The following DBF4B variants were observed in gnomAD, a reference collection of about 807,000 sequenced individuals.
DBF4B encodes the protein DBF4B-CDC7 kinase regulatory subunit.
Under a neutral mutation model 53.4 loss-of-function variants are expected in DBF4B, and 49 were observed. The observed-to-expected ratio is 0.92, with a 90% CI of 0.73 to 1.16. The LOEUF (loss-of-function observed/expected upper bound fraction) is 1.16, where lower values mean the gene tolerates loss of function less well. Among genes scored for constraint, DBF4B ranks in the 50% most tolerant of loss-of-function variants. The pLI, the probability that DBF4B is intolerant of heterozygous loss-of-function variation, is 0.00. For missense variants in DBF4B, 692 were observed against 775.0 expected, an observed-to-expected ratio of 0.89 and a Z score of 1.27; for synonymous variants, 257 against 288.7, an observed-to-expected ratio of 0.89 and a Z score of 1.11.
chr17:44,741,851 G>A (rs187554676), intron 10 of DBF4B, among the ~76,000 whole-genome samples: 10 of 152,200 alleles, frequency 6.6e-5, no homozygotes, highest in Middle Eastern at 3.4e-3. Flanking sequence ...TACCTCACTC[G>A]GCAGGGTTTA....
intron 2 of DBF4B, 87 bp from the exon 3 acceptor site, chr17:44,722,793 A>G (rs1359627567): frequency 6.8e-5 from 100 of 1,461,554 alleles, no homozygotes; most frequent in Non-Finnish European, 9.1e-5. Flanking sequence ...CTATTATAGC[A>G]CACAGACTGA....
chr17:44,736,111 A>G (rs2145017937), intron 7 of DBF4B, among the ~76,000 whole-genome samples: 1 of 151,160 alleles, frequency 6.6e-6, no homozygotes, highest in Non-Finnish European at 1.5e-5. Context: ...CCTCCCAAGT[A>G]GCTAGGACTA....
intron 2 of DBF4B, among the ~76,000 whole-genome samples, chr17:44,716,854 A>C (rs1281643961): frequency 6.6e-6 from 1 of 152,010 alleles, no homozygotes; most frequent in African/African-American, 2.4e-5. Flanking sequence ...TTCAGCTCTA[A>C]TCAGCTTGCT....
chr17:44,731,945 A>C (rs1974873705), intron 5 of DBF4B: 3 of 513,704 alleles, frequency 5.8e-6, no homozygotes, highest in Non-Finnish European at 3.5e-6. Flanking sequence ...CCAGAGCACA[A>C]TGTATAGGCA....
At chr17:44,748,228 G>T in intron 12 of DBF4B, 113 bp from the exon 13 acceptor site, 6 of 1,395,932 alleles carry the variant, frequency 4.3e-6, no homozygotes, top group Non-Finnish European at 5.8e-6. Flanking sequence ...AGAGAAGGCA[G>T]CTCTCTCGGC....
rs575385085 is a variant in DBF4B, at chr17:44,740,855, G to T, written c.714-481G>T. The stretch of plus-strand genomic sequence containing the variant: ...GAGTTTGAAAAGTAGACAGGGAGGG[G>T]CCGGGCGTGGTGGCTCACGCCTGTA... On this transcript the variant is annotated intron_variant, in intron 9 of 13. Coordinates refer to ENST00000315005, the MANE Select transcript of DBF4B (RefSeq NM_145663.3). 7.2e-5 allele frequency among the ~76,000 whole-genome samples: 11 copies of T among 152,324 alleles called. No homozygotes were observed. The South Asian group carries it at 2.3e-3, about 32-fold the overall frequency.
Position 44,749,492 on chromosome 17 carries a change from A to C in DBF4B, c.1189+1027A>C. 1 of 1,281,518 alleles carries C rather than the reference A, an allele frequency of 7.8e-7. No homozygotes were observed. The highest frequency in any genetic ancestry group is 1.2e-5 in the South Asian group (1 of 80,288). 79.4% of individuals were successfully genotyped at this position (1,281,518 alleles called of 1,614,324 possible). ...AAGGAGGCCCGGGCCTGGCCTTTGA[A>C]GTCCAGCAAGCAGCTGTCACGCTCA... On this transcript the variant is annotated intron_variant, in intron 13 of 13. Coordinates refer to ENST00000315005, the MANE Select transcript of DBF4B (RefSeq NM_145663.3). The surrounding 1 kb of genome is among the most constrained non-coding windows in gnomAD (Gnocchi z 4.4).
At chr17:44,740,081 T>A (rs564387873) in intron 9 of DBF4B, among the ~76,000 whole-genome samples, 2 of 152,024 alleles carry the variant, frequency 1.3e-5, no homozygotes, top group Non-Finnish European at 2.9e-5. Context: ...TTTTTTTTTA[T>A]GTGCTGTTTT....
intron 3 of DBF4B, among the ~76,000 whole-genome samples, chr17:44,726,292 T>TTTTTTTATTTA (rs1555676222): frequency 2.5e-4 from 33 of 132,084 alleles, no homozygotes; most frequent in African/African-American, 8.6e-4. Flanking sequence ...CCCGGCCCTT[T>TTTTTTTATTTA]TTTATTTATT....
chr17:44,731,228 C>T, intron 5 of DBF4B: 1 of 529,772 alleles, frequency 1.9e-6, no homozygotes, highest in South Asian at 1.9e-5. Context: ...CCAGAGCCAC[C>T]TCCAACTCTG....
rs552380615 is a variant in DBF4B, at chr17:44,733,122, G to A, written c.556+857G>A. ...GGAGCTTGCAGTGAGCCGAGATTGC[G>A]CCACTGCACTCCAGCCTGGGCGACA... On this transcript the variant is annotated intron_variant, in intron 6 of 13. Transcript: ENST00000315005. 5.5e-3 allele frequency among the ~76,000 whole-genome samples: 816 copies of A among 147,690 alleles called. 7 individuals carry two copies. The highest frequency in any genetic ancestry group is 0.019 in the African/African-American group (758 of 39,530).
Position 44,713,074 on chromosome 17 carries a change from C to G in DBF4B, c.82+3708C>G, listed in dbSNP as rs868347861. Among the ~76,000 whole-genome samples the G allele has an allele frequency of 9.0e-4, 109 of 121,096 alleles. 1 individual carries two copies. In the Middle Eastern group the frequency reaches 0.019, roughly 21 times the overall value. The allele number at this position is 121,096 out of a possible 152,430, so 79.4% of individuals were successfully genotyped here. A position where few individuals can be genotyped will look rare whatever the true frequency, so the allele number is the denominator to read the frequency against. On this transcript the variant is annotated intron_variant, in intron 2 of 13. Transcript: ENST00000315005. ...TTTTTTTTTGAGACAGAGTCTTGCT[C>G]TGTCGCCCAGGCTGGAGTGCAGTGG...
chr17:44,739,484 C>T (rs955568928), intron 9 of DBF4B, among the ~76,000 whole-genome samples: 1 of 152,124 alleles, frequency 6.6e-6, no homozygotes. Flanking sequence ...GACAGTGCTG[C>T]GCTGGCTTTG....
At chr17:44,733,861 G>A (rs766847179) in intron 6 of DBF4B, 4 of 548,612 alleles carry the variant, frequency 7.3e-6, no homozygotes, top group Admixed American at 3.1e-5. Flanking sequence ...ATTCAATGCT[G>A]CAAAAGAGCA....
In DBF4B at chr17:44,749,215, C is replaced by A; in HGVS notation, c.1189+750C>A. 7.8e-7 allele frequency: 1 copy of A among 1,290,310 alleles called. No homozygotes were observed. Among genetic ancestry groups the A allele is most frequent in the Non-Finnish European group, 1.0e-6 (1 of 988,874 alleles). The allele number at this position is 1,290,310 out of a possible 1,614,324, so 79.9% of individuals were successfully genotyped here. A position where few individuals can be genotyped will look rare whatever the true frequency, so the allele number is the denominator to read the frequency against. ...CAGCTGTTCCCGATGCCTCTGGGCCCCCCAGCCTCTCCAGGTGCCCTGTCT... is the reference window on the plus strand; with the variant it reads ...CAGCTGTTCCCGATGCCTCTGGGCCACCCAGCCTCTCCAGGTGCCCTGTCT... On this transcript the variant is annotated intron_variant, in intron 13 of 13. Coordinates refer to ENST00000315005, the MANE Select transcript of DBF4B (RefSeq NM_145663.3). This position sits in a 1 kb window ranked among gnomAD's most constrained non-coding sequence, Gnocchi z 4.4.
At chr17:44,717,117 T>C (rs1973398172) in intron 2 of DBF4B, among the ~76,000 whole-genome samples, 1 of 152,146 alleles carries the variant, frequency 6.6e-6, no homozygotes, top group Middle Eastern at 3.2e-3. Context: ...CTCCATTGTT[T>C]TTCCCCCTTT....
Position 44,749,207 on chromosome 17 carries a change from T to C in DBF4B, c.1189+742T>C, listed in dbSNP as rs2049206671. 1 of 1,290,126 alleles carries C rather than the reference T, an allele frequency of 7.8e-7. No individual in the cohort carries two copies. The highest frequency in any genetic ancestry group is 1.5e-5 in the African/African-American group (1 of 65,964). The allele number at this position is 1,290,126 out of a possible 1,614,324, so 79.9% of individuals were successfully genotyped here. A position where few individuals can be genotyped will look rare whatever the true frequency, so the allele number is the denominator to read the frequency against. ...GCGGGAGCCAGCTGTTCCCGATGCCTCTGGGCCCCCCAGCCTCTCCAGGTG... is the reference window on the plus strand; with the variant it reads ...GCGGGAGCCAGCTGTTCCCGATGCCCCTGGGCCCCCCAGCCTCTCCAGGTG... On this transcript the variant is annotated intron_variant, in intron 13 of 13. Transcript: ENST00000315005. The surrounding 1 kb of genome is among the most constrained non-coding windows in gnomAD (Gnocchi z 4.4).
At chr17:44,710,303 GT>G (rs917653291) in intron 2 of DBF4B, among the ~76,000 whole-genome samples, 3 of 151,840 alleles carry the variant, frequency 2.0e-5, no homozygotes, top group Admixed American at 6.6e-5. Context: ...TCTCTTGTTG[GT>G]TTTTTTTCCC....
Position 44,748,560 on chromosome 17 carries a change from G to A in DBF4B, c.1189+95G>A, listed in dbSNP as rs751108624. 1.1e-5 allele frequency: 17 copies of A among 1,574,110 alleles called. No homozygotes were observed. The South Asian group carries it at 1.8e-4, about 17-fold the overall frequency. The stretch of plus-strand genomic sequence containing the variant: ...TACCTGGACCTATAGCAAGCTGCCA[G>A]GACCTGGGGGTGTCAGTTGATGTGT... On this transcript the variant is annotated intron_variant, in intron 13 of 13. Transcript: ENST00000315005.
Sources: allele counts gnomAD v4.1 joint callset (sites outside exome capture counted in the v4.1 genomes callset), GRCh38; gene constraint gnomAD v4.1.1; non-coding constraint Gnocchi (gnomAD v3.1); transcripts MANE v1.5; gene names NCBI Gene and HGNC (gene_info 2026-07-23, HGNC 2026-07-21).